The following PLA2G4B variants were observed in gnomAD, a reference collection of about 807,000 sequenced individuals.
The protein encoded by PLA2G4B is phospholipase A2 group IVB, also known as cytosolic phospholipase A2 beta.
A neutral mutation model predicts 95.8 loss-of-function variants in PLA2G4B; 122 were observed. The ratio of observed to expected loss-of-function variants is 1.27; its 90% CI spans 1.10 to 1.48. PLA2G4B has a LOEUF of 1.48. Among genes scored for constraint, PLA2G4B ranks in the 40% most tolerant of loss-of-function variants. PLA2G4B has a pLI of 0.00. For missense variants in PLA2G4B, 1,158 were observed against 996.2 expected (o/e 1.16, Z -2.19); for synonymous variants, 518 against 421.5 (o/e 1.23, Z -2.80).
At chr15:41,839,618 G>A in intron 1 of PLA2G4B, 1 of 156,732 alleles carries the variant, frequency 6.4e-6, no homozygotes, top group South Asian at 1.9e-4. Context: ...GCTCAGCCTG[G>A]GGCCCAAGGC....
At position 41,841,227 on chromosome 15, in the gene PLA2G4B, C is replaced by G. The variant is rs753860270; in HGVS notation, c.393-4C>G. On this transcript the variant is annotated splice_region_variant and splice_polypyrimidine_tract_variant and intron_variant, in intron 5 of 19. Coordinates refer to ENST00000458483, the MANE Select transcript of PLA2G4B (RefSeq NM_001114633.2). ...GCTAAGGGGGCTCTGGGGGCTCTTT[C>G]CAGGGCTGACCGTGGCGAGTGGCTC... The G allele has an allele frequency of 3.7e-6, 6 of 1,613,862 alleles. No individual in the cohort carries two copies. The highest frequency in any genetic ancestry group is 3.4e-6 in the Non-Finnish European group (4 of 1,179,990).
At chr15:41,841,632 C>CTTA in intron 7 of PLA2G4B, 61 bp downstream of exon 7, 2 of 1,609,922 alleles carry the variant, frequency 1.2e-6, no homozygotes, top group Non-Finnish European at 8.5e-7. Flanking sequence ...CCCCTTTAAG[C>CTTA]ATTGGACAAT....
chr15:41,844,432 C>G lies in PLA2G4B; in HGVS notation c.880-39C>G, dbSNP rs776341527. ...CTTCCTGTGACTTGGCCTTCCCCAT[C>G]CCTAGGGCCTCTACAGGCCTGGCTC... On this transcript the variant is annotated intron_variant, in intron 11 of 19. Coordinates refer to ENST00000458483, the MANE Select transcript of PLA2G4B (RefSeq NM_001114633.2). 23 of 1,613,582 alleles carry G rather than the reference C, an allele frequency of 1.4e-5. No homozygotes were observed. In the East Asian group the frequency reaches 2.2e-4, roughly 16 times the overall value.
intron 17 of PLA2G4B, 73 bp downstream of exon 17, chr15:41,846,455 T>C: frequency 6.5e-7 from 1 of 1,547,892 alleles, no homozygotes; most frequent in Non-Finnish European, 8.8e-7. Context: ...CCCCTCACAG[T>C]CCACTCCCAT....
chr15:41,843,846 C>T (rs1221648882), intron 11 of PLA2G4B, 35 bp downstream of exon 11: 6 of 1,607,784 alleles, frequency 3.7e-6, no homozygotes, highest in South Asian at 1.1e-5. Context: ...TGTCCCCGGG[C>T]TTGCTTGGGC....
At position 41,844,954 on chromosome 15, in the gene PLA2G4B, G is replaced by T. The variant is rs143271505; in HGVS notation, c.1123G>T (p.Ala375Ser). 1.3e-4 allele frequency: 213 copies of T among 1,611,782 alleles called. No individual in the cohort carries two copies. In the African/African-American group the frequency reaches 2.5e-3, roughly 19 times the overall value. ...GACCAAGAACAAGCTGGGTGTGCTG[G>T]CCCCCAGCCAGCTGCAGCGGTACCG... ...QVTKNKLGVL[A>S]PSQLQRYRQE... Residue 375 changes from alanine (A) to serine (S), a missense_variant, in exon 13 of 20, where the codon GCC (alanine) becomes TCC (serine). Ala to Ser is a moderately conservative substitution (Grantham distance 99). Coordinates refer to ENST00000458483, the MANE Select transcript of PLA2G4B (RefSeq NM_001114633.2).
rs1425455857 is a variant in PLA2G4B at position 41,844,933 on chromosome 15, A to G, written c.1102A>G (p.Lys368Glu). Reference sequence around the variant, plus strand: ...TGAGTTGCTGAAGACCCAGGTGACCAAGAACAAGCTGGGTGTGCTGGCCCC... The same window carrying G: ...TGAGTTGCTGAAGACCCAGGTGACCGAGAACAAGCTGGGTGTGCTGGCCCC... ...PTELLKTQVT[K>E]NKLGVLAPSQ... Residue 368 changes from lysine to glutamate, a missense_variant, in exon 13 of 20, where the codon AAG becomes GAG. Physicochemically the swap from Lys to Glu is moderately conservative, Grantham distance 56. Transcript: ENST00000458483. The G allele has an allele frequency of 6.2e-7, 1 of 1,612,536 alleles. No homozygotes were observed. Among genetic ancestry groups the G allele is most frequent in the Non-Finnish European group, 8.5e-7 (1 of 1,179,540 alleles).
chr15:41,844,688 C>G, intron 12 of PLA2G4B, 81 bp downstream of exon 12: 2 of 1,604,742 alleles, frequency 1.2e-6, no homozygotes. Flanking sequence ...TCTGAGAAAA[C>G]TAGAAGGGCT....
rs781400336 is a variant in PLA2G4B, at chr15:41,841,946, G to C, written c.618G>C (p.Leu206=). The change falls in exon 8 of 20, where the codon CTG becomes CTC. Residue 206 remains leucine (L), a synonymous_variant. Transcript: ENST00000458483. The part of the protein sequence containing the change: ...ACWEQELSIR[L]QDAPEEQLKA... ...GGGAGCAGGAGCTGAGTATTCGCCT[G>C]CAGGTAGTGTGCCTCGCTCCCTCGA... The C allele has an allele frequency of 1.6e-5, 25 of 1,611,216 alleles. No individual in the cohort carries two copies. In the South Asian group the frequency reaches 1.8e-4, roughly 11 times the overall value.
rs767466281 is a variant in PLA2G4B at position 41,843,667 on chromosome 15, C to T, written c.744-9C>T. The T allele has an allele frequency of 1.7e-5, 28 of 1,612,510 alleles. No homozygotes were observed. The African/African-American group carries it at 3.3e-4, about 19-fold the overall frequency. On this transcript the variant is annotated splice_polypyrimidine_tract_variant and intron_variant, in intron 10 of 19. Coordinates refer to ENST00000458483, the MANE Select transcript of PLA2G4B (RefSeq NM_001114633.2). ...GAGCTGTCTCACAGTCTCTTCCTTCCCCGGCCAGACTGAGGGAGCTGGCCG... is the reference window on the plus strand; with the variant it reads ...GAGCTGTCTCACAGTCTCTTCCTTCTCCGGCCAGACTGAGGGAGCTGGCCG...
At chr15:41,841,736 G>C in intron 7 of PLA2G4B, 83 bp from the exon 8 acceptor site, 1 of 1,579,366 alleles carries the variant, frequency 6.3e-7, no homozygotes. Context: ...GGAGAGGGAG[G>C]TGCCCTCCAG....
chr15:41,846,419 T>G, intron 17 of PLA2G4B, 37 bp downstream of exon 17: 1 of 1,580,070 alleles, frequency 6.3e-7, no homozygotes, highest in Non-Finnish European at 8.6e-7. Flanking sequence ...TGTGGCCACC[T>G]GAGCCTTGAG....
intron 7 of PLA2G4B, 96 bp downstream of exon 7, chr15:41,841,667 C>G (rs543291133): frequency 6.3e-7 from 1 of 1,584,100 alleles, no homozygotes; most frequent in East Asian, 2.3e-5. Flanking sequence ...GAGCTTTCCC[C>G]TTAGGCCTTC....
chr15:41,844,847 G>C lies in PLA2G4B; in HGVS notation c.1017-1G>C, dbSNP rs1246749849. ...CTGGCTTTGGCTTTGGCTTTTCCCAGGGCCTTGGCCAACCTTTATGAGGAC... is the reference window on the plus strand; with the variant it reads ...CTGGCTTTGGCTTTGGCTTTTCCCACGGCCTTGGCCAACCTTTATGAGGAC... On this transcript the variant is annotated splice_acceptor_variant, in intron 12 of 19. Transcript: ENST00000458483. LOFTEE classifies it high-confidence loss of function. 6.3e-7 allele frequency: 1 copy of C among 1,599,600 alleles called. No individual in the cohort carries two copies.
Position 41,846,681 on chromosome 15 carries a change from A to G in PLA2G4B, c.1793A>G (p.Asp598Gly), listed in dbSNP as rs376056343. The G allele has an allele frequency of 5.6e-6, 9 of 1,610,608 alleles. No homozygotes were observed. The highest frequency in any genetic ancestry group is 2.7e-5 in the African/African-American group (2 of 74,950). Residue 598 changes from aspartate (D) to glycine (G), a missense_variant, in exon 18 of 20, where the codon GAT becomes GGT. Asp to Gly is a moderately conservative substitution (Grantham distance 94). Coordinates refer to ENST00000458483, the MANE Select transcript of PLA2G4B (RefSeq NM_001114633.2). ...CCCAACCTTCCAGCTACCACTCTGG[A>G]TGGGCTCCCCAACCAGCTGACACCC... ...HFSTWKATTL[D>G]GLPNQLTPSE... is the part of the protein sequence containing the mutation.
In PLA2G4B at chr15:41,845,219, T is replaced by C; in HGVS notation, c.1256T>C (p.Leu419Pro). ...TTTCCCCAGCCCCATGATCACAAGC[T>C]CTCAGATCAACGGGAGGCCCTGAGT... ...LLHDEPHDHK[L>P]SDQREALSHG... The change falls in exon 14 of 20, where the codon CTC becomes CCC. Residue 419 changes from leucine to proline, a missense_variant. Leu to Pro is a moderately conservative substitution (Grantham distance 98). Coordinates refer to ENST00000458483, the MANE Select transcript of PLA2G4B (RefSeq NM_001114633.2). 1 of 1,614,092 alleles carries C rather than the reference T, an allele frequency of 6.2e-7. No individual in the cohort carries two copies.
Position 41,846,859 on chromosome 15 carries a change from C to T in PLA2G4B, c.1947+24C>T, listed in dbSNP as rs533412859. 4.4e-6 allele frequency: 7 copies of T among 1,590,786 alleles called. No homozygotes were observed. In the South Asian group the frequency reaches 4.5e-5, roughly 10 times the overall value. On this transcript the variant is annotated intron_variant, in intron 18 of 19. Transcript: ENST00000458483. ...AGGTTGGGAAGGGTGGGCAGCCCAC[C>T]AGGGAGGCGGTGGGTGGCCCCTGTC...
At position 41,838,877 on chromosome 15, in the gene PLA2G4B, A is replaced by G. The variant is rs1486127954; in HGVS notation, c.-37A>G. 6.3e-7 allele frequency: 1 copy of G among 1,586,560 alleles called. No homozygotes were observed. Among genetic ancestry groups the G allele is most frequent in the Non-Finnish European group, 8.6e-7 (1 of 1,164,670 alleles). On this transcript the variant is annotated 5_prime_UTR_variant, in exon 1 of 20. Coordinates refer to ENST00000458483, the MANE Select transcript of PLA2G4B (RefSeq NM_001114633.2). ...GCTGACAGTCCTTGATCCTGTGGCCACTGCCCCATCATTCCTGCTCCTGAG... is the reference window on the plus strand; with the variant it reads ...GCTGACAGTCCTTGATCCTGTGGCCGCTGCCCCATCATTCCTGCTCCTGAG...
At chr15:41,846,586 A>T in intron 17 of PLA2G4B, 83 bp from the exon 18 acceptor site, 2 of 1,535,116 alleles carry the variant, frequency 1.3e-6, no homozygotes, top group Non-Finnish European at 1.8e-6. Context: ...GAGAGCAGGG[A>T]CCAGAGGCCA....
Sources: allele counts gnomAD v4.1 joint callset, GRCh38; gene constraint gnomAD v4.1.1; transcripts MANE v1.5; gene names NCBI Gene and HGNC (gene_info 2026-07-23, HGNC 2026-07-21).